The following LHFPL3 variants were observed in gnomAD, a reference collection of about 807,000 sequenced individuals.
LHFPL3 encodes LHFPL tetraspan subfamily member 3 protein.
Under a neutral mutation model 19.3 loss-of-function variants are expected in LHFPL3, and 5 were observed. The ratio of observed to expected loss-of-function variants is 0.26; its 90% CI spans 0.14 to 0.54. LHFPL3 has a LOEUF of 0.54. Among genes scored for constraint, LHFPL3 ranks in the 20% least tolerant of loss-of-function variants. The pLI is 0.94. For synonymous variants in LHFPL3, 133 were observed against 126.2 expected, an observed-to-expected ratio of 1.05 and a Z score of -0.36; for missense variants, 249 against 307.4, an observed-to-expected ratio of 0.81 and a Z score of 1.42.
At position 104,754,811 on chromosome 7, in the gene LHFPL3, T is replaced by C. The variant is rs140583187; in HGVS notation, c.682+17900T>C. Reference sequence around the variant, plus strand: ...TGGTGATGGTTAATTTTTCCATCTTTCCCATAGGAATCTCTCAGATGGCAT... The same window carrying C: ...TGGTGATGGTTAATTTTTCCATCTTCCCCATAGGAATCTCTCAGATGGCAT... On this transcript the variant is annotated intron_variant, in intron 2 of 2. Coordinates refer to ENST00000424859, the MANE Select transcript of LHFPL3 (RefSeq NM_199000.3). Among the ~76,000 whole-genome samples, 901 of 152,314 alleles carry C rather than the reference T, an allele frequency of 5.9e-3. 5 individuals are homozygous for C. Among genetic ancestry groups the C allele is most frequent in the Non-Finnish European group, 8.3e-3 (564 of 68,032 alleles).
At chr7:104,719,622 C>A (rs899155465) in intron 1 of LHFPL3, among the ~76,000 whole-genome samples, 4 of 151,850 alleles carry the variant, frequency 2.6e-5, no homozygotes, top group African/African-American at 9.7e-5. Flanking sequence ...ATATAAAAAC[C>A]AACAGTTTTT....
At chr7:104,376,902 A>T (rs1790726419) in intron 1 of LHFPL3, among the ~76,000 whole-genome samples, 1 of 152,238 alleles carries the variant, frequency 6.6e-6, no homozygotes, top group Admixed American at 6.5e-5. Flanking sequence ...CTTGCAAAGC[A>T]AATTAGCATT....
chr7:104,503,523 C>T (rs898335897), intron 1 of LHFPL3, among the ~76,000 whole-genome samples: 9 of 152,084 alleles, frequency 5.9e-5, no homozygotes, highest in African/African-American at 2.2e-4. Context: ...TATTCTATTT[C>T]ATAGTTGGAT....
At chr7:104,775,221 G>A (rs1468012693) in intron 2 of LHFPL3, among the ~76,000 whole-genome samples, 15 of 152,224 alleles carry the variant, frequency 9.9e-5, no homozygotes, top group Middle Eastern at 3.4e-3. Context: ...GTGAAACCCC[G>A]TCTCTACTAA....
At chr7:104,728,439 G>A (rs1234945441) in intron 1 of LHFPL3, among the ~76,000 whole-genome samples, 1 of 152,108 alleles carries the variant, frequency 6.6e-6, no homozygotes, top group African/African-American at 2.4e-5. Context: ...CCCTCAGTGT[G>A]ATCACTTTCT....
At chr7:104,569,120 G>T (rs760675657) in intron 1 of LHFPL3, among the ~76,000 whole-genome samples, 1 of 152,072 alleles carries the variant, frequency 6.6e-6, no homozygotes, top group Non-Finnish European at 1.5e-5. Context: ...ACAACTGTAG[G>T]CAATATAGTG....
At chr7:104,666,486 G>A (rs1792346534) in intron 1 of LHFPL3, among the ~76,000 whole-genome samples, 1 of 134,348 alleles carries the variant, frequency 7.4e-6, no homozygotes, top group Non-Finnish European at 1.6e-5. Flanking sequence ...TTCCATTGAC[G>A]TTGCTGAAAA....
chr7:104,590,363 A>T (rs190131863), intron 1 of LHFPL3, among the ~76,000 whole-genome samples: 1 of 151,960 alleles, frequency 6.6e-6, no homozygotes, highest in Non-Finnish European at 1.5e-5. Flanking sequence ...CCTTCATTTC[A>T]TTATGTACCC....
At chr7:104,743,647 T>C (rs1793978731) in intron 2 of LHFPL3, among the ~76,000 whole-genome samples, 1 of 152,196 alleles carries the variant, frequency 6.6e-6, no homozygotes, top group Admixed American at 6.5e-5. Flanking sequence ...TTTTCATTGA[T>C]CTCTGCAATA....
chr7:104,529,716 AC>A (rs1212326997), intron 1 of LHFPL3, among the ~76,000 whole-genome samples: 1 of 152,146 alleles, frequency 6.6e-6, no homozygotes, highest in African/African-American at 2.4e-5. Context: ...GGTGTCAGGA[AC>A]CGGGCTGGGC....
intron 1 of LHFPL3, among the ~76,000 whole-genome samples, chr7:104,612,454 T>C (rs1791229943): frequency 6.6e-6 from 1 of 152,048 alleles, no homozygotes; most frequent in Non-Finnish European, 1.5e-5. Flanking sequence ...AACAAAACAG[T>C]GCACATCTCA....
At chr7:104,497,325 A>AG (rs1462291521) in intron 1 of LHFPL3, among the ~76,000 whole-genome samples, 6 of 151,832 alleles carry the variant, frequency 4.0e-5, no homozygotes, top group Non-Finnish European at 5.9e-5. Context: ...AAAAAAAAAA[A>AG]AAGAAGAAGA....
intron 1 of LHFPL3, among the ~76,000 whole-genome samples, chr7:104,417,751 TAA>T (rs199666716): frequency 0.099 from 14,989 of 152,164 alleles, 804 homozygotes; most frequent in African/African-American, 0.13. Context: ...AAGACATAAC[TAA>T]TATGCAGTAA....
At chr7:104,404,941 T>G (rs886952474) in intron 1 of LHFPL3, among the ~76,000 whole-genome samples, 19 of 152,312 alleles carry the variant, frequency 1.2e-4, no homozygotes, top group South Asian at 6.2e-4. Context: ...AATTAGGTTC[T>G]CCAATTTGTT....
chr7:104,776,317 C>G (rs62485076), intron 2 of LHFPL3, among the ~76,000 whole-genome samples: 35,265 of 152,202 alleles, frequency 0.23, 4,522 homozygotes, highest in East Asian at 0.35. Context: ...CCAGATGCTA[C>G]CGAGGCACCC....
At chr7:104,835,231 C>A (rs1791068200) in intron 2 of LHFPL3, among the ~76,000 whole-genome samples, 1 of 152,110 alleles carries the variant, frequency 6.6e-6, no homozygotes, top group East Asian at 1.9e-4. Flanking sequence ...TGAGTTAATT[C>A]TCATAAAGTG....
intron 1 of LHFPL3, among the ~76,000 whole-genome samples, chr7:104,733,029 A>C (rs780362272): frequency 1.2e-4 from 18 of 151,992 alleles, no homozygotes; most frequent in East Asian, 1.9e-4. Context: ...TGTAGTTGAG[A>C]GGTTTTGAGT....
chr7:104,536,450 G>A (rs143624088), intron 1 of LHFPL3, among the ~76,000 whole-genome samples: 581 of 152,178 alleles, frequency 3.8e-3, no homozygotes, highest in African/African-American at 0.013. Context: ...TCCCCAGGCC[G>A]ATTGGAACAT....
At chr7:104,505,907 A>G (rs1036368797) in intron 1 of LHFPL3, among the ~76,000 whole-genome samples, 1 of 152,162 alleles carries the variant, frequency 6.6e-6, no homozygotes, top group African/African-American at 2.4e-5. Flanking sequence ...CGTCTTGTAT[A>G]TATCTTTCCC....
Sources: allele counts gnomAD v4.1 joint callset (sites outside exome capture counted in the v4.1 genomes callset), GRCh38; gene constraint gnomAD v4.1.1; transcripts MANE v1.5; gene names NCBI Gene and HGNC (gene_info 2026-07-23, HGNC 2026-07-21).